NCF2: variants seen among roughly 807,000 people sequenced by gnomAD.
The protein encoded by NCF2 is neutrophil cytosolic factor 2, also known as neutrophil cytosol factor 2.
In NCF2, 45 loss-of-function variants were observed where a neutral mutation model predicts 70.9. That is an observed-to-expected ratio of 0.63 (90% confidence interval 0.50 to 0.81). The LOEUF is 0.81. Among genes scored for constraint, NCF2 ranks in the 40% least tolerant of loss-of-function variants. The pLI is 0.00. For missense variants in NCF2, 522 were observed against 631.6 expected (o/e 0.83, Z 1.86); for synonymous variants, 203 against 233.6 (o/e 0.87, Z 1.19).
At chr1:183,563,823 T>C (rs185482181) in intron 11 of NCF2, 182 bp downstream of exon 11, 1 of 820,896 alleles carries the variant, frequency 1.2e-6, no homozygotes, top group Non-Finnish European at 2.1e-6. Context: ...TAGTAGGAAG[T>C]GTGTGCATGA....
At chr1:183,564,931 C>T (rs1672236603) in intron 10 of NCF2, among the ~76,000 whole-genome samples, 3 of 152,070 alleles carry the variant, frequency 2.0e-5, no homozygotes, top group South Asian at 4.1e-4. Context: ...TCAACTGGCT[C>T]GGGGGAGAAA....
At chr1:183,573,430 C>G in intron 4 of NCF2, 138 bp from the exon 5 acceptor site, 1 of 844,694 alleles carries the variant, frequency 1.2e-6, no homozygotes, top group Non-Finnish European at 2.0e-6. Context: ...TGTTGTCATT[C>G]CTCTAGGGTG....
intron 3 of NCF2, among the ~76,000 whole-genome samples, chr1:183,576,980 C>T (rs1254329942): frequency 3.3e-5 from 5 of 152,194 alleles, no homozygotes; most frequent in Admixed American, 3.3e-4. Flanking sequence ...ATGTCTCTCC[C>T]TTTTGATAAT....
At position 183,586,951 on chromosome 1, in the gene NCF2, G is replaced by A. The variant is rs752044043; in HGVS notation, c.201C>T (p.Asp67=). 26 of 1,614,178 alleles carry A rather than the reference G, an allele frequency of 1.6e-5. No individual in the cohort carries two copies. The Admixed American group carries it at 2.2e-4, about 13-fold the overall frequency. ...EKAFTRSINR[D]KHLAVAYFQR... ...GGAAGTAAGCCACTGCCAAGTGCTTGTCTCGGTTAATGCTTCTGGTAAAGG... is the reference window on the plus strand; with the variant it reads ...GGAAGTAAGCCACTGCCAAGTGCTTATCTCGGTTAATGCTTCTGGTAAAGG... The change falls in exon 2 of 15, where the codon GAC becomes GAT. Residue 67 remains aspartate, a synonymous_variant. Transcript: ENST00000367535.
intron 2 of NCF2, among the ~76,000 whole-genome samples, chr1:183,579,960 C>T (rs917175027): frequency 2.0e-5 from 3 of 152,014 alleles, no homozygotes; most frequent in Non-Finnish European, 4.4e-5. Context: ...CTTAAAGCTC[C>T]GTGCCATATA....
chr1:183,561,884 G>A (rs542832503), intron 13 of NCF2, among the ~76,000 whole-genome samples: 19 of 135,062 alleles, frequency 1.4e-4, no homozygotes, highest in African/African-American at 4.6e-4. Context: ...TGTAACCTCC[G>A]CCTCCTGGGT....
chr1:183,587,485 T>C (rs3903837), intron 1 of NCF2, among the ~76,000 whole-genome samples: 53,155 of 150,964 alleles, frequency 0.35, 9,927 homozygotes, highest in Middle Eastern at 0.43. Context: ...TCCCAGCTAC[T>C]TGGGGGACTG....
At chr1:183,592,769 C>A (rs12066221), upstream of NCF2, among the ~76,000 whole-genome samples, 275 of 152,308 alleles carry the variant, frequency 1.8e-3, 6 homozygotes, top group East Asian at 0.042. Context: ...CACCCTGACA[C>A]TCAGAACTCT....
At position 183,578,216 on chromosome 1, in the gene NCF2, G is replaced by A. The variant is rs368553359; in HGVS notation, c.258-509C>T. The stretch of plus-strand genomic sequence containing the variant: ...CATCACCCTCCTGCCCACTGCCTTC[G>A]CCCATGGCTTCTTTTGAGTTCAACT... On this transcript the variant is annotated intron_variant, in intron 2 of 14. Transcript: ENST00000367535. Among the ~76,000 whole-genome samples the A allele has an allele frequency of 1.2e-4, 18 of 152,150 alleles. No homozygotes were observed. In the South Asian group the frequency reaches 1.2e-3, roughly 11 times the overall value.
upstream of NCF2, among the ~76,000 whole-genome samples, chr1:183,595,864 C>T (rs1025556774): frequency 6.6e-6 from 1 of 152,174 alleles, no homozygotes; most frequent in Non-Finnish European, 1.5e-5. Flanking sequence ...AAGCAAGTTA[C>T]AGGTCTCTCC....
At chr1:183,587,595 CAAAAAAA>C (rs11287969) in intron 1 of NCF2, among the ~76,000 whole-genome samples, 12 of 41,856 alleles carry the variant, frequency 2.9e-4, no homozygotes, top group South Asian at 1.5e-3. Context: ...CACCCTGTCT[CAAAAAAA>C]AAAAAAAAAA....
chr1:183,565,876 G>A (rs1200693422), intron 9 of NCF2, 97 bp from the exon 10 acceptor site: 11 of 1,183,166 alleles, frequency 9.3e-6, no homozygotes, highest in Non-Finnish European at 1.0e-5. Flanking sequence ...CCATGTAAAG[G>A]AGCCACATGC....
intron 3 of NCF2, among the ~76,000 whole-genome samples, chr1:183,575,222 C>A (rs1401827740): frequency 6.6e-6 from 1 of 152,248 alleles, no homozygotes; most frequent in Non-Finnish European, 1.5e-5. Context: ...GTAATCCCAG[C>A]ACTTTGGGAG....
Position 183,555,971 on chromosome 1 carries a change from G to T in NCF2, c.*147C>A. ...AATCATCCTGGGTACTCACATCATT[G>T]TCTAGTAGGTTAAATTTTAACAGGG... On this transcript the variant is annotated 3_prime_UTR_variant, in exon 15 of 15. Coordinates refer to ENST00000367535, the MANE Select transcript of NCF2 (RefSeq NM_000433.4). The T allele has an allele frequency of 1.4e-6, 1 of 737,136 alleles. No individual in the cohort carries two copies. Among genetic ancestry groups the T allele is most frequent in the Non-Finnish European group, 2.4e-6 (1 of 418,934 alleles). 45.7% of individuals were successfully genotyped at this position (737,136 alleles called of 1,614,324 possible).
upstream of NCF2, among the ~76,000 whole-genome samples, chr1:183,592,383 G>C (rs12086606): frequency 0.19 from 28,591 of 152,014 alleles, 4,503 homozygotes; most frequent in African/African-American, 0.44. Flanking sequence ...ATCTAGCCCT[G>C]AACTCTGGGT....
chr1:183,586,742 C>T (rs899510644), intron 2 of NCF2, among the ~76,000 whole-genome samples, 153 bp downstream of exon 2: 2 of 152,188 alleles, frequency 1.3e-5, no homozygotes, highest in South Asian at 2.1e-4. Context: ...TCTGCCTCAC[C>T]TGCTGATTTA....
chr1:183,572,073 G>A (rs1305235177), intron 5 of NCF2, among the ~76,000 whole-genome samples: 1 of 152,142 alleles, frequency 6.6e-6, no homozygotes, highest in African/African-American at 2.4e-5. Context: ...CCAGCTACCC[G>A]ACCACTGGGC....
chr1:183,590,591 T>G, upstream of NCF2: 1 of 536,794 alleles, frequency 1.9e-6, no homozygotes. Context: ...AGAGGGCGAG[T>G]AGGGGTGGAG....
the NCF2 span, among the ~76,000 whole-genome samples, chr1:183,599,423 C>CTTCTTTCTTTTCT: frequency 5.6e-5 from 6 of 107,426 alleles, no homozygotes; most frequent in Admixed American, 1.0e-4. Flanking sequence ...TCTTTCTTTC[C>CTTCTTTCTTTTCT]TTCTTTCTTT....
Sources: allele counts gnomAD v4.1 joint callset (sites outside exome capture counted in the v4.1 genomes callset), GRCh38; gene constraint gnomAD v4.1.1; transcripts MANE v1.5; gene names NCBI Gene and HGNC (gene_info 2026-07-23, HGNC 2026-07-21).